Variants in HLCS observed in about 807,000 individuals in gnomAD.
HLCS encodes the protein biotin--protein ligase.
A neutral mutation model predicts 75.0 loss-of-function variants in HLCS; 53 were observed. The ratio of observed to expected loss-of-function variants is 0.71; its 90% confidence interval spans 0.57 to 0.89. HLCS has a LOEUF of 0.89. Among genes scored for constraint, HLCS ranks in the 40% least tolerant of loss-of-function variants. The pLI is 0.00. For synonymous variants in HLCS, 431 were observed against 428.6 expected, an observed-to-expected ratio of 1.01 and a Z score of -0.07; for missense variants, 966 against 1,074.0, an observed-to-expected ratio of 0.90 and a Z score of 1.41.
At chr21:36,922,835 ACAGT>A (rs1481206639) in intron 5 of HLCS, among the ~76,000 whole-genome samples, 1 of 152,220 alleles carries the variant, frequency 6.6e-6, no homozygotes, top group African/African-American at 2.4e-5. Flanking sequence ...TTTTTCCAAG[ACAGT>A]CAGTGCAAAT....
At chr21:36,767,591 T>C (rs2090086287) in intron 6 of HLCS, among the ~76,000 whole-genome samples, 1 of 152,184 alleles carries the variant, frequency 6.6e-6, no homozygotes, top group African/African-American at 2.4e-5. Flanking sequence ...TAGATTCTAT[T>C]TCATCAGAAT....
chr21:36,816,295 C>G (rs2061661258), intron 6 of HLCS, among the ~76,000 whole-genome samples: 1 of 151,874 alleles, frequency 6.6e-6, no homozygotes, highest in Non-Finnish European at 1.5e-5. Flanking sequence ...CCTCAGGAGG[C>G]TGGGGTGGGA....
intron 6 of HLCS, among the ~76,000 whole-genome samples, chr21:36,820,902 C>T (rs528319121): frequency 1.3e-5 from 2 of 152,288 alleles, no homozygotes; most frequent in South Asian, 4.1e-4. Context: ...GGTGGTGACC[C>T]CGTGGAGGGG....
intron 5 of HLCS, among the ~76,000 whole-genome samples, chr21:36,908,003 G>A (rs1290680409): frequency 6.6e-6 from 1 of 151,594 alleles, no homozygotes; most frequent in Non-Finnish European, 1.5e-5. Flanking sequence ...CAGGAATTTG[G>A]GCCTGCAATG....
At chr21:36,929,690 G>T (rs1404819441) in intron 5 of HLCS, among the ~76,000 whole-genome samples, 4 of 152,144 alleles carry the variant, frequency 2.6e-5, no homozygotes, top group African/African-American at 9.7e-5. Context: ...GCCAAGCAGG[G>T]GGATTAGCAA....
At chr21:36,942,060 T>C (rs2067165928) in intron 2 of HLCS, among the ~76,000 whole-genome samples, 2 of 150,238 alleles carry the variant, frequency 1.3e-5, no homozygotes, top group Non-Finnish European at 3.0e-5. Flanking sequence ...TAATCCCAGC[T>C]ACTCAGGAGG....
intron 1 of HLCS, among the ~76,000 whole-genome samples, chr21:36,962,700 G>C (rs2068367187): frequency 6.6e-6 from 1 of 151,318 alleles, no homozygotes; most frequent in Non-Finnish European, 1.5e-5. Flanking sequence ...GGCTGAGGTG[G>C]GAGGATCACT....
intron 6 of HLCS, among the ~76,000 whole-genome samples, chr21:36,782,721 C>A (rs1191587921): frequency 6.6e-6 from 1 of 152,146 alleles, no homozygotes; most frequent in Non-Finnish European, 1.5e-5. Flanking sequence ...GTAATCCCAG[C>A]ACTTTTGGAG....
chr21:36,914,599 G>C (rs572352520), intron 5 of HLCS, among the ~76,000 whole-genome samples: 3 of 152,236 alleles, frequency 2.0e-5, no homozygotes, highest in Non-Finnish European at 4.4e-5. Context: ...AAAGCAGGGA[G>C]TGAATAAGTC....
intron 5 of HLCS, among the ~76,000 whole-genome samples, chr21:36,902,267 G>C (rs149134798): frequency 7.5e-4 from 114 of 152,266 alleles, no homozygotes; most frequent in African/African-American, 2.6e-3. Context: ...GGTTTTGTTT[G>C]GTTTAGAGGG....
At chr21:36,988,786 T>C (rs1413044720) in intron 1 of HLCS, among the ~76,000 whole-genome samples, 1 of 152,138 alleles carries the variant, frequency 6.6e-6, no homozygotes, top group Non-Finnish European at 1.5e-5. Flanking sequence ...TCTCCTCCTA[T>C]GGGAGAAACG....
chr21:36,917,783 C>T (rs977559466), intron 5 of HLCS, among the ~76,000 whole-genome samples: 1 of 152,060 alleles, frequency 6.6e-6, no homozygotes, highest in Non-Finnish European at 1.5e-5. Flanking sequence ...AGTGTTGGCT[C>T]TCATGCTGAA....
chr21:36,874,357 G>A (rs1043150402), intron 6 of HLCS, among the ~76,000 whole-genome samples: 4 of 150,086 alleles, frequency 2.7e-5, no homozygotes, highest in African/African-American at 4.9e-5. Context: ...AGCCGAGATC[G>A]CGCCACTGCA....
intron 2 of HLCS, among the ~76,000 whole-genome samples, chr21:36,942,914 A>G (rs1377715358): frequency 2.0e-5 from 3 of 151,994 alleles, no homozygotes; most frequent in African/African-American, 4.8e-5. Flanking sequence ...TGGGCGACAG[A>G]GCGAGACTCC....
At chr21:36,871,074 C>T (rs756473001) in intron 6 of HLCS, among the ~76,000 whole-genome samples, 6 of 152,116 alleles carry the variant, frequency 3.9e-5, no homozygotes, top group Non-Finnish European at 7.3e-5. Context: ...ACCCTGAGAC[C>T]GGCCGTGTGC....
chr21:36,866,112 G>C (rs990121213), intron 6 of HLCS, among the ~76,000 whole-genome samples: 1 of 127,406 alleles, frequency 7.8e-6, no homozygotes, highest in Non-Finnish European at 1.6e-5. Context: ...TTTTGTGAGC[G>C]TGAATTGTAT....
chr21:36,926,919 C>A (rs959746143), intron 5 of HLCS, among the ~76,000 whole-genome samples: 3 of 151,828 alleles, frequency 2.0e-5, no homozygotes, highest in African/African-American at 7.3e-5. Context: ...ATTTTTGTAT[C>A]TTCTGTAAAG....
chr21:36,966,732 C>A (rs1250316908), upstream of HLCS: 2 of 502,442 alleles, frequency 4.0e-6, no homozygotes, highest in Non-Finnish European at 5.1e-6. Context: ...CGCCGCCCCC[C>A]CGGGCCAGGC....
At chr21:36,814,317 G>A (rs1302476885) in intron 6 of HLCS, among the ~76,000 whole-genome samples, 1 of 151,994 alleles carries the variant, frequency 6.6e-6, no homozygotes, top group Non-Finnish European at 1.5e-5. Flanking sequence ...TCCCCAAAAG[G>A]GCTATACTAT....
Sources: gnomAD v4.1 joint callset for allele counts (sites outside exome capture counted in the v4.1 genomes callset) on GRCh38, gnomAD v4.1.1 for gene constraint, MANE v1.5 for transcripts, NCBI Gene and HGNC (gene_info 2026-07-23, HGNC 2026-07-21) for gene names.